Variants in MARCHF5 observed in about 807,000 individuals in gnomAD.
The protein encoded by MARCHF5 is E3 ubiquitin-protein ligase MARCHF5.
MARCHF5 carries 5 observed loss-of-function variants against 36.5 expected under a neutral mutation model. That is an observed-to-expected ratio of 0.14 (90% CI 0.07 to 0.29). The LOEUF (loss-of-function observed/expected upper bound fraction) is 0.29. Among genes scored for constraint, MARCHF5 ranks in the 10% least tolerant of loss-of-function variants. The pLI, the probability that MARCHF5 is intolerant of heterozygous loss-of-function variation, is 1.00. For missense variants in MARCHF5, 179 were observed against 336.3 expected, an observed-to-expected ratio of 0.53 and a Z score of 3.66; for synonymous variants, 103 against 109.9, an observed-to-expected ratio of 0.94 and a Z score of 0.39.
rs1227495144 is a variant in MARCHF5, at chr10:92,291,223, C to CGGAACCTCGGGCCGACGGACG, written c.-265_-245dup. 1 of 533,718 alleles carries CGGAACCTCGGGCCGACGGACG rather than the reference C, an allele frequency of 1.9e-6. No individual in the cohort carries two copies. The allele number at this position is 533,718 out of a possible 1,614,324, so 33.1% of individuals were successfully genotyped here. On this transcript the variant is annotated 5_prime_UTR_variant, in exon 1 of 6. Transcript: ENST00000358935. The stretch of plus-strand genomic sequence containing the variant: ...AACTCGGCGCCCGCGGTCCATGGAC[C>CGGAACCTCGGGCCGACGGACG]GGAACCTCGGGCCGACGGACGGGAA...
chr10:92,330,294 C>G (rs1377126114), intron 2 of MARCHF5, among the ~76,000 whole-genome samples: 1 of 152,140 alleles, frequency 6.6e-6, no homozygotes, highest in East Asian at 1.9e-4. Flanking sequence ...TAAGAAGTAT[C>G]TTTCAACAGT....
At chr10:92,328,821 A>ATTTTT (rs34713388) in intron 2 of MARCHF5, among the ~76,000 whole-genome samples, 7 of 122,416 alleles carry the variant, frequency 5.7e-5, no homozygotes, top group Non-Finnish European at 9.9e-5. Context: ...ATATATATAT[A>ATTTTT]TTTTTTTTTT....
intron 1 of MARCHF5, among the ~76,000 whole-genome samples, chr10:92,294,532 C>A (rs1217659083): frequency 6.6e-6 from 1 of 152,126 alleles, no homozygotes; most frequent in Non-Finnish European, 1.5e-5. Context: ...CCAACAGGGC[C>A]AAGAGACTAA....
chr10:92,332,311 C>T (rs1843445074), intron 2 of MARCHF5, among the ~76,000 whole-genome samples: 1 of 152,018 alleles, frequency 6.6e-6, no homozygotes, highest in African/African-American at 2.4e-5. Context: ...AAGTAACTTA[C>T]AGCGTAAGTT....
At chr10:92,327,658 C>G (rs1843382021) in intron 2 of MARCHF5, among the ~76,000 whole-genome samples, 2 of 152,206 alleles carry the variant, frequency 1.3e-5, no homozygotes, top group South Asian at 2.1e-4. Flanking sequence ...TCCCCATTGC[C>G]TTTGCCAACA....
intron 3 of MARCHF5, among the ~76,000 whole-genome samples, chr10:92,346,492 C>CTTTTTTTT (rs763991703): frequency 1.1e-4 from 10 of 88,312 alleles, no homozygotes; most frequent in Non-Finnish European, 1.8e-4. Context: ...CTATTTCCTT[C>CTTTTTTTT]TTTTTTTTTT....
intron 1 of MARCHF5, among the ~76,000 whole-genome samples, chr10:92,299,570 CCTTT>C: frequency 6.6e-6 from 1 of 152,162 alleles, no homozygotes; most frequent in East Asian, 1.9e-4. Flanking sequence ...GTTAATAACT[CCTTT>C]CTGTGTTTCA....
chr10:92,349,472 G>A lies in MARCHF5; in HGVS notation c.493G>A (p.Val165Met), dbSNP rs749904400. The part of the protein sequence containing the change: ...LGKMIRWEDY[V>M]LRLWRKYSNK... ...CAAGATGATTCGCTGGGAGGACTAT[G>A]TGCTTAGACTGTGGCGCAAATACTC... The change falls in exon 4 of 6, where the codon GTG becomes ATG. Residue 165 changes from valine (V) to methionine (M), a missense_variant. Around this residue, in one of 3 missense-constraint regions of MARCHF5, gnomAD observed 95 missense variants for 139.5 expected, o/e 0.68. Transcript: ENST00000358935. The A allele has an allele frequency of 3.7e-6, 6 of 1,613,980 alleles. No individual in the cohort carries two copies. The Admixed American group carries it at 5.0e-5, about 13-fold the overall frequency.
chr10:92,329,988 T>C (rs1245406999), intron 2 of MARCHF5, among the ~76,000 whole-genome samples: 2 of 152,130 alleles, frequency 1.3e-5, no homozygotes, highest in East Asian at 3.9e-4. Context: ...AATTACAGGC[T>C]CCTACCACCA....
chr10:92,296,351 T>TA, intron 1 of MARCHF5, among the ~76,000 whole-genome samples: 1 of 152,212 alleles, frequency 6.6e-6, no homozygotes. Context: ...CCTGAAATGA[T>TA]AACCATTCAT....
chr10:92,327,826 A>G (rs1453013660), intron 2 of MARCHF5, among the ~76,000 whole-genome samples: 2 of 152,196 alleles, frequency 1.3e-5, no homozygotes, highest in African/African-American at 4.8e-5. Context: ...AGAGATAAAC[A>G]GGGCGAAGTC....
In MARCHF5 at chr10:92,352,531, A is replaced by T. The variant is rs544297673; in HGVS notation, c.*1324A>T. 1.3e-5 allele frequency: 2 copies of T among 152,292 alleles called. No individual in the cohort carries two copies. The highest frequency in any genetic ancestry group is 2.1e-4 in the South Asian group (1 of 4,828). The allele number at this position is 152,292 out of a possible 1,614,324, so 9.4% of individuals were successfully genotyped here. A position where few individuals can be genotyped will look rare whatever the true frequency, so the allele number is the denominator to read the frequency against. On this transcript the variant is annotated 3_prime_UTR_variant, in exon 6 of 6. Coordinates refer to ENST00000358935, the MANE Select transcript of MARCHF5 (RefSeq NM_017824.5). ...GGTTATTTTTGTTAATTAAAATTAA[A>T]TTTTTAAGAGATATTTTCAAAACCC... is the stretch of plus-strand genomic sequence containing the variant.
chr10:92,324,035 G>A (rs866275495), intron 2 of MARCHF5, among the ~76,000 whole-genome samples: 1 of 152,172 alleles, frequency 6.6e-6, no homozygotes. Context: ...AGCAATGGAT[G>A]GGAGTTCCTG....
intron 2 of MARCHF5, among the ~76,000 whole-genome samples, chr10:92,319,781 AGT>A (rs1248379332): frequency 1.4e-5 from 2 of 146,966 alleles, no homozygotes; most frequent in African/African-American, 5.1e-5. Context: ...CAGCCTCCTG[AGT>A]AGCTGGGATT....
intron 1 of MARCHF5, among the ~76,000 whole-genome samples, chr10:92,295,903 G>A (rs1489411657): frequency 4.1e-5 from 6 of 145,290 alleles, no homozygotes; most frequent in Non-Finnish European, 7.5e-5. Flanking sequence ...ATGGAATTTC[G>A]CTCTTGTTGC....
chr10:92,338,665 A>C (rs1843535158), intron 2 of MARCHF5, among the ~76,000 whole-genome samples: 1 of 152,220 alleles, frequency 6.6e-6, no homozygotes, highest in African/African-American at 2.4e-5. Flanking sequence ...GTCTGTCTTC[A>C]TACAGTGACA....
intron 1 of MARCHF5, among the ~76,000 whole-genome samples, chr10:92,307,601 C>A (rs1843091707): frequency 2.0e-5 from 3 of 151,906 alleles, no homozygotes; most frequent in Admixed American, 1.3e-4. Flanking sequence ...TGTGGCCAGG[C>A]GCAGTGGGTC....
At chr10:92,327,962 T>C (rs1480715202) in intron 2 of MARCHF5, among the ~76,000 whole-genome samples, 4 of 150,750 alleles carry the variant, frequency 2.7e-5, no homozygotes, top group Non-Finnish European at 4.4e-5. Context: ...TTCATGTAGG[T>C]ATTATGTACA....
chr10:92,316,806 C>G (rs1843216149), intron 2 of MARCHF5, among the ~76,000 whole-genome samples: 1 of 151,946 alleles, frequency 6.6e-6, no homozygotes, highest in Non-Finnish European at 1.5e-5. Context: ...GATCCCCCTC[C>G]CAAACCCCGT....
Sources: gnomAD v4.1 joint callset for allele counts (sites outside exome capture counted in the v4.1 genomes callset) on GRCh38, gnomAD v4.1.1 for gene constraint, gnomAD v4.1.1 regional missense constraint, MANE v1.5 for transcripts, NCBI Gene and HGNC (gene_info 2026-07-23, HGNC 2026-07-21) for gene names.